Variants in TMEM63B observed in about 807,000 individuals in gnomAD.
TMEM63B encodes transmembrane protein 63B.
In TMEM63B, 23 loss-of-function variants were observed where a neutral mutation model predicts 102.6. The ratio of observed to expected loss-of-function variants is 0.22; its 90% CI spans 0.16 to 0.32. The LOEUF is 0.32. TMEM63B is among the 10% of genes least tolerant of loss of function. TMEM63B has a pLI of 1.00. For synonymous variants in TMEM63B, 444 were observed against 437.0 expected, an observed-to-expected ratio of 1.02 and a Z score of -0.20; for missense variants, 628 against 1,095.9, an observed-to-expected ratio of 0.57 and a Z score of 6.03.
chr6:44,135,482 C>A, intron 4 of TMEM63B, 116 bp downstream of exon 4: 1 of 1,316,408 alleles, frequency 7.6e-7, no homozygotes, highest in Non-Finnish European at 1.0e-6. Context: ...TTCTCCTCTG[C>A]AGGCTCATGT....
chr6:44,136,450 T>C lies in TMEM63B; in HGVS notation c.369+11T>C. ...GACCAAAGGGACAATGTGAGTGCCC[T>C]CCCCCCAAACTTCTTAGTCCCCCAC... On this transcript the variant is annotated intron_variant, in intron 5 of 23. Transcript: ENST00000323267. 6.2e-7 allele frequency: 1 copy of C among 1,605,884 alleles called. No individual in the cohort carries two copies. Among genetic ancestry groups the C allele is most frequent in the Non-Finnish European group, 8.5e-7 (1 of 1,174,796 alleles).
chr6:44,147,635 C>T, intron 12 of TMEM63B, 135 bp downstream of exon 12: 1 of 1,266,268 alleles, frequency 7.9e-7, no homozygotes, highest in Non-Finnish European at 1.1e-6. Context: ...TTGGGTTTGT[C>T]TAATGTCCCT....
At position 44,150,365 on chromosome 6, in the gene TMEM63B, G is replaced by C. The variant is rs1242925115; in HGVS notation, c.1607+55G>C. The C allele has an allele frequency of 1.9e-6, 3 of 1,568,410 alleles. No homozygotes were observed. The African/African-American group carries it at 4.1e-5, about 21-fold the overall frequency. On this transcript the variant is annotated intron_variant, in intron 17 of 23. Coordinates refer to ENST00000323267, the MANE Select transcript of TMEM63B (RefSeq NM_018426.3). The surrounding 1 kb of genome is among the most constrained non-coding windows in gnomAD (Gnocchi z 4.7). ...GGGTAGGGGGACAGCAGGATAGGGA[G>C]AGGAGAGCAGTTCAGCCTCCCTACC...
chr6:44,128,334 A>C (rs987585413), intron 1 of TMEM63B, among the ~76,000 whole-genome samples: 17 of 151,994 alleles, frequency 1.1e-4, no homozygotes, highest in Non-Finnish European at 2.1e-4. Context: ...AGTGCAGTTC[A>C]TTCATGAGCC....
intron 6 of TMEM63B, chr6:44,138,735 G>A (rs535148841): frequency 1.2e-5 from 3 of 259,550 alleles, no homozygotes; most frequent in African/African-American, 6.2e-5. Context: ...ACCCCCTGCC[G>A]GCCCCCCCGC....
chr6:44,146,235 C>G (rs1765346489), intron 10 of TMEM63B, among the ~76,000 whole-genome samples: 1 of 152,054 alleles, frequency 6.6e-6, no homozygotes, highest in African/African-American at 2.4e-5. Context: ...CAGCCCTGGA[C>G]AGGAATCAGA....
In TMEM63B at chr6:44,150,173, TG is replaced by T; in HGVS notation, c.1521-47del. 2 of 1,562,344 alleles carry T rather than the reference TG, an allele frequency of 1.3e-6. No individual in the cohort carries two copies. The highest frequency in any genetic ancestry group is 1.1e-5 in the South Asian group (1 of 89,896). On this transcript the variant is annotated intron_variant, in intron 16 of 23. Coordinates refer to ENST00000323267, the MANE Select transcript of TMEM63B (RefSeq NM_018426.3). This position sits in a 1 kb window ranked among gnomAD's most constrained non-coding sequence, Gnocchi z 4.7. The stretch of plus-strand genomic sequence containing the variant: ...ATTGTCCTTGTTGGGGGAGCAAGTC[TG>T]GGGCCTGGGCTCACTTGACCTGTAC...
chr6:44,136,400 C>G lies in TMEM63B; in HGVS notation c.330C>G (p.Thr110=). 6.2e-7 allele frequency: 1 copy of G among 1,614,114 alleles called. No individual in the cohort carries two copies. The highest frequency in any genetic ancestry group is 1.1e-5 in the South Asian group (1 of 91,078). Reference sequence around the variant, plus strand: ...GCCATGACCGGTATGAGCGTCTCACCTCTGTCTCCAGCTCCGTTGACTTTG... The same window carrying G: ...GCCATGACCGGTATGAGCGTCTCACGTCTGTCTCCAGCTCCGTTGACTTTG... The part of the protein sequence containing the change: ...GDSHDRYERL[T]SVSSSVDFDQ... The change falls in exon 5 of 24, where the codon ACC becomes ACG. Residue 110 remains threonine (T), a synonymous_variant. Coordinates refer to ENST00000323267, the MANE Select transcript of TMEM63B (RefSeq NM_018426.3).
intron 7 of TMEM63B, 35 bp from the exon 8 acceptor site, chr6:44,139,673 C>T: frequency 6.2e-7 from 1 of 1,614,068 alleles, no homozygotes; most frequent in African/African-American, 1.3e-5. Context: ...GTGCCCTGAC[C>T]CCACCATCAT....
chr6:44,144,751 C>A (rs1227116792), intron 10 of TMEM63B, among the ~76,000 whole-genome samples: 2 of 151,886 alleles, frequency 1.3e-5, no homozygotes, highest in East Asian at 3.9e-4. Context: ...CACTCACCAC[C>A]ACACCTGGCT....
At position 44,154,698 on chromosome 6, in the gene TMEM63B, A is replaced by G. The variant is rs771754410; in HGVS notation, c.2314A>G (p.Ile772Val). ...AAAVPKSAKY[I>V]AQVLQDSEVD... Reference sequence around the variant, plus strand: ...ATTTCCTCTCCTCCTTCAGAAATACATCGCTCAGGTGCTGCAGGACTCAGA... The same window carrying G: ...ATTTCCTCTCCTCCTTCAGAAATACGTCGCTCAGGTGCTGCAGGACTCAGA... Residue 772 changes from isoleucine (I) to valine (V), a missense_variant, in exon 24 of 24, where the codon ATC (isoleucine) becomes GTC (valine). Coordinates refer to ENST00000323267, the MANE Select transcript of TMEM63B (RefSeq NM_018426.3). 1.9e-6 allele frequency: 3 copies of G among 1,546,188 alleles called. No homozygotes were observed. Among genetic ancestry groups the G allele is most frequent in the Non-Finnish European group, 1.7e-6 (2 of 1,148,596 alleles).
chr6:44,132,756 A>G (rs1762205187), intron 1 of TMEM63B, among the ~76,000 whole-genome samples: 1 of 152,136 alleles, frequency 6.6e-6, no homozygotes, highest in Non-Finnish European at 1.5e-5. Flanking sequence ...ACATCAACAC[A>G]CATTTACATA....
At chr6:44,133,724 A>G (rs1005420164) in intron 1 of TMEM63B, among the ~76,000 whole-genome samples, 1 of 152,234 alleles carries the variant, frequency 6.6e-6, no homozygotes, top group Non-Finnish European at 1.5e-5. Flanking sequence ...CTGGCTGCCC[A>G]GGCAGGCTAA....
chr6:44,140,229 T>C (rs1224262723), intron 8 of TMEM63B, 23 bp from the exon 9 acceptor site: 3 of 1,599,784 alleles, frequency 1.9e-6, no homozygotes, highest in East Asian at 2.2e-5. Flanking sequence ...GTGGCTCCCA[T>C]GTATCCTCTC....
chr6:44,134,744 G>A lies in TMEM63B; in HGVS notation c.159+1G>A. ...GGCTCTCGACTTCATGTGCTTCCTT[G>A]TAAGTGCCTGCTGCCACCCCTTACC... is the stretch of plus-strand genomic sequence containing the variant. On this transcript the variant is annotated splice_donor_variant, in intron 2 of 23. Coordinates refer to ENST00000323267, the MANE Select transcript of TMEM63B (RefSeq NM_018426.3). LOFTEE classifies it high-confidence loss of function. The A allele has an allele frequency of 6.2e-7, 1 of 1,611,256 alleles. No individual in the cohort carries two copies. Among genetic ancestry groups the A allele is most frequent in the Non-Finnish European group, 8.5e-7 (1 of 1,178,028 alleles).
rs1765837826 is a variant in TMEM63B at position 44,148,208 on chromosome 6, C to T, written c.988-44C>T. 1 of 1,610,034 alleles carries T rather than the reference C, an allele frequency of 6.2e-7. No individual in the cohort carries two copies. Among genetic ancestry groups the T allele is most frequent in the Non-Finnish European group, 8.5e-7 (1 of 1,177,242 alleles). On this transcript the variant is annotated intron_variant, in intron 12 of 23. Transcript: ENST00000323267. The surrounding 1 kb of genome is among the most constrained non-coding windows in gnomAD (Gnocchi z 5.1). ...TGGGCTGGATGCTGCAGGCCCCAGCCTGGCTTTCCAACTAGAGGCCCTGTC... is the reference window on the plus strand; with the variant it reads ...TGGGCTGGATGCTGCAGGCCCCAGCTTGGCTTTCCAACTAGAGGCCCTGTC...
chr6:44,137,247 A>C (rs1472738545), intron 5 of TMEM63B, among the ~76,000 whole-genome samples: 1 of 152,116 alleles, frequency 6.6e-6, no homozygotes, highest in African/African-American at 2.4e-5. Context: ...GACCCCTTTC[A>C]TATCAGACCT....
chr6:44,148,312 G>A lies in TMEM63B; in HGVS notation c.1048G>A (p.Glu350Lys), dbSNP rs1477157461. ...EQKLKEDYKR[E>K]KEKVNEKPLG... is the part of the protein sequence containing the mutation. ...GAAGCTGAAGGAAGACTACAAGCGGGAGAAGGAGAAGGTGAATGAGAAGCC... is the reference window on the plus strand; with the variant it reads ...GAAGCTGAAGGAAGACTACAAGCGGAAGAAGGAGAAGGTGAATGAGAAGCC... Residue 350 changes from glutamate to lysine, a missense_variant, in exon 13 of 24, where the codon GAG becomes AAG. Coordinates refer to ENST00000323267, the MANE Select transcript of TMEM63B (RefSeq NM_018426.3). The surrounding 1 kb of genome is among the most constrained non-coding windows in gnomAD (Gnocchi z 5.1). The A allele has an allele frequency of 6.2e-6, 10 of 1,614,138 alleles. No homozygotes were observed. Among genetic ancestry groups the A allele is most frequent in the Non-Finnish European group, 8.5e-6 (10 of 1,180,052 alleles).
chr6:44,136,309 C>T (rs749153961), intron 4 of TMEM63B, 40 bp from the exon 5 acceptor site: 4 of 1,577,638 alleles, frequency 2.5e-6, no homozygotes, highest in Non-Finnish European at 8.7e-7. Flanking sequence ...GGGGCTCAGA[C>T]TCACCAGGCT....
Sources: gnomAD v4.1 joint callset for allele counts (sites outside exome capture counted in the v4.1 genomes callset) on GRCh38, gnomAD v4.1.1 for gene constraint, Gnocchi (gnomAD v3.1) non-coding constraint, MANE v1.5 for transcripts, NCBI Gene and HGNC (gene_info 2026-07-23, HGNC 2026-07-21) for gene names.